Variants in AGMAT observed in about 807,000 individuals in gnomAD.
The protein encoded by AGMAT is guanidino acid hydrolase, mitochondrial.
Under a neutral mutation model 29.3 loss-of-function variants are expected in AGMAT, and 37 were observed. The ratio of observed to expected loss-of-function variants is 1.26; its 90% CI spans 0.97 to 1.66. AGMAT has a LOEUF of 1.66. AGMAT is among the 40% of genes most tolerant of loss of function. The pLI, the probability that AGMAT is intolerant of heterozygous loss-of-function variation, is 0.00. For synonymous variants in AGMAT, 199 were observed against 200.8 expected, an observed-to-expected ratio of 0.99 and a Z score of 0.08; for missense variants, 498 against 497.8, an observed-to-expected ratio of 1.00 and a Z score of 0.00.
Position 15,578,945 on chromosome 1 carries a change from C to G in AGMAT, c.634G>C (p.Gly212Arg). The change falls in exon 4 of 7, where the codon GGT (glycine) becomes CGT (arginine). Residue 212 changes from glycine to arginine, a missense_variant. Gly to Arg is a moderately radical substitution (Grantham distance 125). Transcript: ENST00000375826. ...GAPFRRCVDE[G>R]LLDCKRVVQI... ...ACCACACGCTTACAGTCCAGGAGAC[C>G]CTCATCCACACACCGGCGGAAGGGC... is the stretch of plus-strand genomic sequence containing the variant. The G allele has an allele frequency of 6.2e-7, 1 of 1,614,152 alleles. No homozygotes were observed. The highest frequency in any genetic ancestry group is 8.5e-7 in the Non-Finnish European group (1 of 1,180,034).
chr1:15,583,622 C>T (rs564164211), intron 1 of AGMAT, among the ~76,000 whole-genome samples: 2 of 152,266 alleles, frequency 1.3e-5, no homozygotes, highest in African/African-American at 2.4e-5. Flanking sequence ...CAAATGTCCC[C>T]GGAGTGCAAA....
Position 15,580,111 on chromosome 1 carries a change from C to T in AGMAT, c.507G>A (p.Leu169=), listed in dbSNP as rs534467193. 9.9e-6 allele frequency: 16 copies of T among 1,611,986 alleles called. No individual in the cohort carries two copies. In the South Asian group the frequency reaches 1.2e-4, roughly 12 times the overall value. Residue 169 remains leucine (L), a synonymous_variant, in exon 3 of 7, where the codon TTG becomes TTA. Coordinates refer to ENST00000375826, the MANE Select transcript of AGMAT (RefSeq NM_024758.5). ...AGACTTACTTTTTTGCCATCGCTTGCAATATGGGATATGTGATTGTGTGAT... is the reference window on the plus strand; with the variant it reads ...AGACTTACTTTTTTGCCATCGCTTGTAATATGGGATATGTGATTGTGTGAT... ...GGDHTITYPI[L]QAMAKKHGPV...
intron 6 of AGMAT, among the ~76,000 whole-genome samples, chr1:15,574,242 C>G (rs951510041): frequency 6.6e-6 from 1 of 152,112 alleles, no homozygotes; most frequent in Non-Finnish European, 1.5e-5. Context: ...GGTGGGCAAG[C>G]TAATGATACT....
At chr1:15,577,905 A>G (rs1269972717) in intron 4 of AGMAT, 41 bp from the exon 5 acceptor site, 1 of 1,595,308 alleles carries the variant, frequency 6.3e-7, no homozygotes, top group Middle Eastern at 1.8e-4. Flanking sequence ...GGCAGCATTT[A>G]CAGGGCATTT....
chr1:15,583,474 C>T (rs1639144078), intron 1 of AGMAT, 79 bp from the exon 2 acceptor site: 1 of 1,380,706 alleles, frequency 7.2e-7, no homozygotes, highest in East Asian at 2.5e-5. Flanking sequence ...TTCTCAGCCT[C>T]AGCAATTTGG....
At position 15,577,935 on chromosome 1, in the gene AGMAT, C is replaced by A. The variant is rs188334371; in HGVS notation, c.721-71G>T. ...GCATTTCCTGTTTGCCAGCCCCATG[C>A]TCAGCTCTGTGTGCACATGACACTT... On this transcript the variant is annotated intron_variant, in intron 4 of 6. Transcript: ENST00000375826. 29 of 1,473,456 alleles carry A rather than the reference C, an allele frequency of 2.0e-5. 1 individual carries two copies. The Admixed American group carries it at 3.7e-4, about 19-fold the overall frequency. The allele number at this position is 1,473,456 out of a possible 1,614,324, so 91.3% of individuals were successfully genotyped here. A position where few individuals can be genotyped will look rare whatever the true frequency, so the allele number is the denominator to read the frequency against.
chr1:15,584,740 G>C lies in AGMAT; in HGVS notation c.228C>G (p.Ile76Met). The C allele has an allele frequency of 7.4e-7, 1 of 1,347,214 alleles. No individual in the cohort carries two copies. Among genetic ancestry groups the C allele is most frequent in the East Asian group, 2.8e-5 (1 of 35,756 alleles). 83.5% of individuals were successfully genotyped at this position (1,347,214 alleles called of 1,614,324 possible). The change falls in exon 1 of 7, where the codon ATC (isoleucine) becomes ATG (methionine). Residue 76 changes from isoleucine (I) to methionine (M), a missense_variant. Ile to Met is a conservative substitution (Grantham distance 10). Transcript: ENST00000375826. The part of the protein sequence containing the change: ...TSPEGLDAAF[I>M]GVPLDTGTSN... Reference sequence around the variant, plus strand: ...AGGTCCCAGTATCCAGGGGCACCCCGATGAAGGCAGCGTCCAGCCCCTCGG... The same window carrying C: ...AGGTCCCAGTATCCAGGGGCACCCCCATGAAGGCAGCGTCCAGCCCCTCGG...
In AGMAT at chr1:15,575,097, C is replaced by A. The variant is rs114222616; in HGVS notation, c.901-256G>T. On this transcript the variant is annotated intron_variant, in intron 5 of 6. Coordinates refer to ENST00000375826, the MANE Select transcript of AGMAT (RefSeq NM_024758.5). ...TCGTTTCAATGTCATGCACCAAGGGCTTCAAGGAAAGCAAGCCCAGAATGG... is the reference window on the plus strand; with the variant it reads ...TCGTTTCAATGTCATGCACCAAGGGATTCAAGGAAAGCAAGCCCAGAATGG... 4.0e-3 allele frequency: 1,423 copies of A among 353,172 alleles called. 22 individuals carry two copies. The highest frequency in any genetic ancestry group is 0.026 in the African/African-American group (1,243 of 47,948). The allele number at this position is 353,172 out of a possible 1,614,324, so 21.9% of individuals were successfully genotyped here.
chr1:15,574,733 A>G, intron 6 of AGMAT, 24 bp downstream of exon 6: 2 of 1,601,188 alleles, frequency 1.2e-6, no homozygotes, highest in South Asian at 1.1e-5. Context: ...CTGCCCATGG[A>G]TCTCAGTCTC....
rs556093938 is a variant in AGMAT, at chr1:15,584,315, T to C, written c.272+381A>G. Among the ~76,000 whole-genome samples, 88 of 86,202 alleles carry C rather than the reference T, an allele frequency of 1.0e-3. 1 individual carries two copies. The highest frequency in any genetic ancestry group is 6.0e-3 in the African/African-American group (84 of 14,010). The allele number at this position is 86,202 out of a possible 152,430, so 56.6% of individuals were successfully genotyped here. A position where few individuals can be genotyped will look rare whatever the true frequency, so the allele number is the denominator to read the frequency against. ...GCGCCACCATGCCCGGCTTTTTTTTTCTTTTTTTTGTACCTTTGTAGAGAC... is the reference window on the plus strand; with the variant it reads ...GCGCCACCATGCCCGGCTTTTTTTTCCTTTTTTTTGTACCTTTGTAGAGAC... On this transcript the variant is annotated intron_variant, in intron 1 of 6. Transcript: ENST00000375826.
rs761714116 is a variant in AGMAT at position 15,583,222 on chromosome 1, A to AT, written c.445_446insA (p.Val149AspfsTer63). On this transcript the variant is annotated frameshift_variant, in exon 2 of 7. Coordinates refer to ENST00000375826, the MANE Select transcript of AGMAT (RefSeq NM_024758.5). LOFTEE classifies it high-confidence loss of function. ...GGTCAGAGGAATACAGCCAGCTGCT[A>AT]CAATTTTCTCATAGGCCTCTTGAAT... 6.2e-7 allele frequency: 1 copy of AT among 1,614,108 alleles called. No homozygotes were observed.
intron 5 of AGMAT, among the ~76,000 whole-genome samples, chr1:15,576,650 G>A (rs1160301784): frequency 3.4e-5 from 5 of 146,790 alleles, no homozygotes; most frequent in African/African-American, 7.5e-5. Flanking sequence ...GGCTGGTCTC[G>A]AACTCCTGAC....
chr1:15,576,971 C>T (rs1055538411), intron 5 of AGMAT, among the ~76,000 whole-genome samples: 14 of 149,954 alleles, frequency 9.3e-5, no homozygotes, highest in Admixed American at 2.0e-4. Context: ...AAGATGGTCT[C>T]GATCTCCTGA....
At chr1:15,581,002 A>C (rs1020659441) in intron 2 of AGMAT, among the ~76,000 whole-genome samples, 5 of 151,822 alleles carry the variant, frequency 3.3e-5, no homozygotes, top group Non-Finnish European at 5.9e-5. Flanking sequence ...TAAATAAATA[A>C]ATAGCTTGAG....
At chr1:15,582,725 C>T (rs931488885) in intron 2 of AGMAT, among the ~76,000 whole-genome samples, 2 of 152,176 alleles carry the variant, frequency 1.3e-5, no homozygotes, top group Middle Eastern at 3.4e-3. Flanking sequence ...TGGCCAGGCG[C>T]GGTGGCTCAT....
intron 5 of AGMAT, chr1:15,575,404 A>C (rs1334521640): frequency 6.5e-6 from 1 of 152,894 alleles, no homozygotes; most frequent in Non-Finnish European, 1.5e-5. Flanking sequence ...ATGAGAAGAG[A>C]GGATGGTTAC....
chr1:15,580,747 G>GGGC (rs1291028551), intron 2 of AGMAT, among the ~76,000 whole-genome samples: 5 of 151,548 alleles, frequency 3.3e-5, no homozygotes, highest in Non-Finnish European at 4.4e-5. Context: ...AGGCCAAGGC[G>GGGC]GGCAGGTCAC....
At chr1:15,577,609 G>C (rs112504601) in intron 5 of AGMAT, 76 bp downstream of exon 5, 6 of 1,416,322 alleles carry the variant, frequency 4.2e-6, no homozygotes, top group African/African-American at 2.9e-5. Context: ...GATTCCTAAA[G>C]ATTCGCTTCA....
At chr1:15,581,817 G>A (rs908241572) in intron 2 of AGMAT, among the ~76,000 whole-genome samples, 23 of 151,964 alleles carry the variant, frequency 1.5e-4, no homozygotes, top group African/African-American at 5.3e-4. Flanking sequence ...GGAGGTTGCC[G>A]TGAGCCAAGC....
Sources: gnomAD v4.1 joint callset for allele counts (sites outside exome capture counted in the v4.1 genomes callset) on GRCh38, gnomAD v4.1.1 for gene constraint, MANE v1.5 for transcripts, NCBI Gene and HGNC (gene_info 2026-07-23, HGNC 2026-07-21) for gene names.